PTPRQ: variants seen among roughly 807,000 people sequenced by gnomAD.
The protein encoded by PTPRQ is protein tyrosine phosphatase receptor type Q, also known as phosphatidylinositol phosphatase PTPRQ.
In PTPRQ, 199 loss-of-function variants were observed where a neutral mutation model predicts 246.0. The ratio of observed to expected loss-of-function variants is 0.81; its 90% CI spans 0.72 to 0.91. The LOEUF is 0.91. PTPRQ is among the 40% of genes least tolerant of loss of function. The pLI, the probability that PTPRQ is intolerant of heterozygous loss-of-function variation, is 0.00. For missense variants in PTPRQ, 2,624 were observed against 2,528.4 expected (o/e 1.04, Z -0.81); for synonymous variants, 869 against 853.2 (o/e 1.02, Z -0.32).
intron 17 of PTPRQ, among the ~76,000 whole-genome samples, chr12:80,522,774 A>G (rs1224218957): frequency 6.6e-6 from 1 of 152,150 alleles, no homozygotes; most frequent in Non-Finnish European, 1.5e-5. Context: ...CCAGTATTTT[A>G]TTGAGGATTT....
chr12:80,490,132 C>T (rs1410833878), intron 9 of PTPRQ, among the ~76,000 whole-genome samples: 1 of 151,922 alleles, frequency 6.6e-6, no homozygotes, highest in South Asian at 2.1e-4. Context: ...AAGATCTGTT[C>T]ACCTGAATAA....
chr12:80,479,337 G>T (rs900479049), intron 8 of PTPRQ, among the ~76,000 whole-genome samples: 1 of 151,344 alleles, frequency 6.6e-6, no homozygotes, highest in African/African-American at 2.4e-5. Flanking sequence ...GAGAGATTTT[G>T]TCACCACCAG....
intron 3 of PTPRQ, chr12:80,454,436 A>T: frequency 1.5e-6 from 1 of 674,640 alleles, no homozygotes; most frequent in Non-Finnish European, 2.7e-6. Context: ...TCAGATGGAA[A>T]TGCAGAAATG....
At chr12:80,627,656 C>A (rs1165093269) in intron 33 of PTPRQ, among the ~76,000 whole-genome samples, 4 of 151,898 alleles carry the variant, frequency 2.6e-5, no homozygotes, top group Non-Finnish European at 5.9e-5. Context: ...TTATGATTTG[C>A]CAAATTATAG....
At position 80,460,905 on chromosome 12, in the gene PTPRQ, A is replaced by G; in HGVS notation, c.910+3A>G. On this transcript the variant is annotated splice_donor_region_variant and intron_variant, in intron 6 of 44. Coordinates refer to ENST00000644991, the MANE Select transcript of PTPRQ (RefSeq NM_001145026.2). ...GATTGTCAGAACACCAGAATCAGGT[A>G]TGGTTCACTTTTTGTAGATAAAAAG... The G allele has an allele frequency of 2.5e-6, 1 of 400,638 alleles. No individual in the cohort carries two copies. The highest frequency in any genetic ancestry group is 4.4e-6 in the Non-Finnish European group (1 of 226,186). The allele number at this position is 400,638 out of a possible 1,614,324, so 24.8% of individuals were successfully genotyped here. A position where few individuals can be genotyped will look rare whatever the true frequency, so the allele number is the denominator to read the frequency against.
chr12:80,560,975 G>GA (rs138870092), intron 25 of PTPRQ: 5,390 of 154,478 alleles, frequency 0.035, 334 homozygotes, highest in African/African-American at 0.12. Context: ...GCTATCTCTT[G>GA]GGTCAAATCT....
intron 39 of PTPRQ, among the ~76,000 whole-genome samples, chr12:80,658,489 C>A (rs1009498314): frequency 3.3e-5 from 5 of 152,098 alleles, no homozygotes; most frequent in African/African-American, 1.2e-4. Flanking sequence ...AATGCCATCA[C>A]CATCATAGGT....
At chr12:80,534,770 C>A in intron 18 of PTPRQ, 122 bp from the exon 19 acceptor site, 1 of 1,238,900 alleles carries the variant, frequency 8.1e-7, no homozygotes, top group Non-Finnish European at 1.1e-6. Flanking sequence ...ATTTCTAATT[C>A]AAGCTTTTTT....
intron 14 of PTPRQ, among the ~76,000 whole-genome samples, chr12:80,502,321 A>C (rs1301057305): frequency 1.3e-5 from 2 of 151,958 alleles, no homozygotes; most frequent in Non-Finnish European, 2.9e-5. Context: ...GGCATATCAG[A>C]GGTTTGTGAA....
intron 4 of PTPRQ, 42 bp downstream of exon 4, chr12:80,457,686 G>C (rs1389145952): frequency 5.0e-6 from 2 of 399,570 alleles, no homozygotes; most frequent in Non-Finnish European, 8.9e-6. Context: ...TTAGTCATGA[G>C]TTTGTCGTTT....
At chr12:80,643,097 AG>A (rs1275523645) in intron 35 of PTPRQ, among the ~76,000 whole-genome samples, 4 of 152,198 alleles carry the variant, frequency 2.6e-5, no homozygotes, top group Admixed American at 2.0e-4. Context: ...AGATATGTTG[AG>A]AAGGTAATAC....
chr12:80,561,708 C>A (rs547127021), intron 25 of PTPRQ: 22 of 152,054 alleles, frequency 1.4e-4, no homozygotes, highest in African/African-American at 4.8e-4. Context: ...AGATTCTCTG[C>A]GTAGAAAATC....
In PTPRQ at chr12:80,541,816, C is replaced by T; in HGVS notation, c.3416C>T (p.Ala1139Val). 6.5e-7 allele frequency: 1 copy of T among 1,548,486 alleles called. No individual in the cohort carries two copies. The highest frequency in any genetic ancestry group is 1.2e-5 in the South Asian group (1 of 83,470). Reference protein sequence around the residue: ...TEKGFSDTYTAQLYIKTEEDV... With the variant: ...TEKGFSDTYTVQLYIKTEEDV... ...AAGGGATTCTCTGATACCTATACTG[C>T]CCAGCTATACATCAAGACTGAAGAA... The change falls in exon 21 of 45, where the codon GCC becomes GTC. Residue 1139 changes from alanine to valine, a missense_variant. Physicochemically the swap from Ala to Val is moderately conservative, Grantham distance 64 (BLOSUM62 0). Coordinates refer to ENST00000644991, the MANE Select transcript of PTPRQ (RefSeq NM_001145026.2).
chr12:80,477,719 C>T (rs961576761), intron 8 of PTPRQ, among the ~76,000 whole-genome samples: 15 of 152,170 alleles, frequency 9.9e-5, no homozygotes, highest in East Asian at 1.9e-4. Context: ...ACTCGGGAAG[C>T]GCAAGGGGTC....
intron 37 of PTPRQ, among the ~76,000 whole-genome samples, chr12:80,651,453 G>C (rs905448136): frequency 5.3e-5 from 8 of 152,036 alleles, no homozygotes; most frequent in African/African-American, 1.9e-4. Flanking sequence ...AGGAAAAAAG[G>C]TGTTCCAGAG....
chr12:80,544,463 T>A (rs544723861), intron 23 of PTPRQ, among the ~76,000 whole-genome samples: 27 of 152,322 alleles, frequency 1.8e-4, no homozygotes, highest in African/African-American at 6.3e-4. Flanking sequence ...ATCTTTAATA[T>A]TTCAGAAGTA....
At chr12:80,603,014 C>T (rs1011197377) in intron 26 of PTPRQ, among the ~76,000 whole-genome samples, 1 of 151,696 alleles carries the variant, frequency 6.6e-6, no homozygotes, top group African/African-American at 2.4e-5. Flanking sequence ...TTGTCATCTC[C>T]TACCATAGTC....
Position 80,610,451 on chromosome 12 carries a change from G to T in PTPRQ, c.4744G>T (p.Glu1582Ter). 6.7e-7 allele frequency: 1 copy of T among 1,485,744 alleles called. No individual in the cohort carries two copies. Among genetic ancestry groups the T allele is most frequent in the South Asian group, 1.3e-5 (1 of 74,176 alleles). The allele number at this position is 1,485,744 out of a possible 1,614,324, so 92.0% of individuals were successfully genotyped here. ...TATTTTCCTATAGGTAGATAATGAT[G>T]AATTTAATATATCCTTCATCAAGTC... The part of the protein sequence containing the change: ...LIDVKSVDND[E>*]FNISFIKSNE... The change falls in exon 28 of 45, where the codon GAA becomes TAA. Residue 1582 changes from glutamate to a stop codon, truncating the protein, a stop_gained. Coordinates refer to ENST00000644991, the MANE Select transcript of PTPRQ (RefSeq NM_001145026.2). LOFTEE classifies it high-confidence loss of function.
intron 37 of PTPRQ, among the ~76,000 whole-genome samples, chr12:80,652,523 C>A (rs531089049): frequency 6.6e-6 from 1 of 151,998 alleles, no homozygotes; most frequent in South Asian, 2.1e-4. Flanking sequence ...AAATTATCTC[C>A]GAAAGAGCAA....
Sources: allele counts gnomAD v4.1 joint callset (sites outside exome capture counted in the v4.1 genomes callset), GRCh38; gene constraint gnomAD v4.1.1; transcripts MANE v1.5; gene names NCBI Gene and HGNC (gene_info 2026-07-23, HGNC 2026-07-21).